The following ATF7IP2 variants were observed in gnomAD, a reference collection of about 807,000 sequenced individuals.
The protein encoded by ATF7IP2 is activating transcription factor 7-interacting protein 2.
In ATF7IP2, 42 loss-of-function variants were observed where a neutral mutation model predicts 64.2. The observed-to-expected ratio is 0.65, with a 90% CI of 0.51 to 0.85. The LOEUF (loss-of-function observed/expected upper bound fraction) is 0.85, where lower values mean the gene tolerates loss of function less well. Ranked by LOEUF, ATF7IP2 falls within the 40% of genes least tolerant of loss-of-function variation. The pLI, the probability that ATF7IP2 is intolerant of heterozygous loss-of-function variation, is 0.00. For synonymous variants in ATF7IP2, 308 were observed against 272.8 expected, an observed-to-expected ratio of 1.13 and a Z score of -1.27; for missense variants, 933 against 784.2, an observed-to-expected ratio of 1.19 and a Z score of -2.27.
intron 1 of ATF7IP2, among the ~76,000 whole-genome samples, chr16:10,407,569 A>G (rs1421099958): frequency 2.0e-5 from 3 of 152,254 alleles, no homozygotes; most frequent in African/African-American, 4.8e-5. Context: ...TACCATTTCT[A>G]TATGCTAACA....
intron 9 of ATF7IP2, among the ~76,000 whole-genome samples, chr16:10,468,005 G>A (rs781621306): frequency 2.7e-5 from 4 of 150,128 alleles, no homozygotes; most frequent in Admixed American, 6.7e-5. Context: ...TCAGCCTCCC[G>A]AGTAGCTGGG....
intron 2 of ATF7IP2, among the ~76,000 whole-genome samples, chr16:10,417,151 A>G (rs1234963818): frequency 6.6e-6 from 1 of 152,214 alleles, no homozygotes; most frequent in Admixed American, 6.5e-5. Context: ...TATACCACAA[A>G]GACGAGGAAA....
intron 1 of ATF7IP2, among the ~76,000 whole-genome samples, chr16:10,393,387 A>C (rs1335759435): frequency 6.6e-6 from 1 of 151,784 alleles, no homozygotes; most frequent in African/African-American, 2.4e-5. Context: ...ATAGAACAAA[A>C]GGCATGAGAC....
chr16:10,399,541 G>C (rs192315289), intron 1 of ATF7IP2, among the ~76,000 whole-genome samples: 43 of 152,252 alleles, frequency 2.8e-4, no homozygotes, highest in African/African-American at 9.9e-4. Flanking sequence ...CAGTTGATCT[G>C]TATGTCTATT....
chr16:10,402,274 C>T (rs367741712), intron 1 of ATF7IP2, among the ~76,000 whole-genome samples: 9 of 151,888 alleles, frequency 5.9e-5, no homozygotes, highest in East Asian at 5.8e-4. Flanking sequence ...TTTAGTATGT[C>T]GTTTTTCTAT....
chr16:10,453,234 T>C (rs1159340081), intron 8 of ATF7IP2, among the ~76,000 whole-genome samples: 2 of 152,160 alleles, frequency 1.3e-5, no homozygotes, highest in Non-Finnish European at 2.9e-5. Flanking sequence ...CCGGAGGGAA[T>C]CTCCTGGTCT....
intron 13 of ATF7IP2, among the ~76,000 whole-genome samples, chr16:10,481,307 T>A (rs1407323280): frequency 6.6e-6 from 1 of 152,160 alleles, no homozygotes; most frequent in Non-Finnish European, 1.5e-5. Flanking sequence ...CTCGGCTCAC[T>A]GCAACCTCCA....
chr16:10,424,318 T>G (rs2048042867), intron 3 of ATF7IP2, among the ~76,000 whole-genome samples: 1 of 152,188 alleles, frequency 6.6e-6, no homozygotes, highest in South Asian at 2.1e-4. Flanking sequence ...ATGGCTAGAT[T>G]TGGGGTCCTG....
At chr16:10,473,349 A>G (rs1455496083) in intron 10 of ATF7IP2, 130 bp from the exon 11 acceptor site, 6 of 597,808 alleles carry the variant, frequency 1.0e-5, no homozygotes, top group African/African-American at 3.9e-5. Context: ...GGTAAAGTCA[A>G]TTGAGTTACT....
intron 8 of ATF7IP2, among the ~76,000 whole-genome samples, chr16:10,455,867 A>T (rs1416253246): frequency 1.3e-5 from 2 of 152,340 alleles, no homozygotes; most frequent in East Asian, 1.9e-4. Flanking sequence ...ACAGGAGGAA[A>T]GGGGATTTGT....
chr16:10,416,161 G>C (rs2141829106), intron 2 of ATF7IP2, among the ~76,000 whole-genome samples: 1 of 152,342 alleles, frequency 6.6e-6, no homozygotes, highest in Admixed American at 6.5e-5. Context: ...CATGTTTGTT[G>C]CAGCACTGTT....
chr16:10,440,666 A>T (rs569852927), intron 8 of ATF7IP2, among the ~76,000 whole-genome samples: 1 of 152,246 alleles, frequency 6.6e-6, no homozygotes, highest in Non-Finnish European at 1.5e-5. Context: ...AAGGGAGTAG[A>T]AAGAGGATTG....
chr16:10,418,738 C>T (rs935837858), intron 2 of ATF7IP2, among the ~76,000 whole-genome samples: 2 of 152,136 alleles, frequency 1.3e-5, no homozygotes, highest in African/African-American at 2.4e-5. Flanking sequence ...CTTCTAGATG[C>T]TTTTTTATTC....
chr16:10,477,612 C>A (rs575648800), intron 12 of ATF7IP2, among the ~76,000 whole-genome samples: 1 of 152,100 alleles, frequency 6.6e-6, no homozygotes, highest in Non-Finnish European at 1.5e-5. Context: ...CCTCTCTCAC[C>A]GCTCCTATTC....
intron 1 of ATF7IP2, among the ~76,000 whole-genome samples, chr16:10,400,020 AT>A (rs1260044375): frequency 6.6e-6 from 1 of 152,110 alleles, no homozygotes; most frequent in Non-Finnish European, 1.5e-5. Flanking sequence ...AATGCTACAC[AT>A]TTTAATTTGT....
chr16:10,442,020 G>C (rs779338657), intron 8 of ATF7IP2, among the ~76,000 whole-genome samples: 3 of 152,206 alleles, frequency 2.0e-5, no homozygotes, highest in African/African-American at 7.2e-5. Flanking sequence ...TCCTGTTTCT[G>C]TGTCCTCCCC....
At chr16:10,429,735 T>A (rs199726167) in intron 4 of ATF7IP2, among the ~76,000 whole-genome samples, 1,567 of 124,912 alleles carry the variant, frequency 0.013, 66 homozygotes, top group East Asian at 0.072. Context: ...ATTTTATTTA[T>A]TTTATTTTAT....
Position 10,431,069 on chromosome 16 carries a change from A to G in ATF7IP2, c.449A>G (p.Asn150Ser). The G allele has an allele frequency of 1.2e-6, 2 of 1,614,178 alleles. No individual in the cohort carries two copies. Among genetic ancestry groups the G allele is most frequent in the Non-Finnish European group, 8.5e-7 (1 of 1,180,042 alleles). ...TSENDSEHQT[N>S]VTRSLFEHEG... The stretch of plus-strand genomic sequence containing the variant: ...GAAAACGATTCTGAGCATCAGACAA[A>G]TGTAACAAGATCCCTTTTTGAGCAT... The change falls in exon 5 of 14, where the codon AAT becomes AGT. Residue 150 changes from asparagine (N) to serine (S), a missense_variant. By Grantham distance (46) the Asn-to-Ser change is conservative (BLOSUM62 1). Coordinates refer to ENST00000562102, the MANE Select transcript of ATF7IP2 (RefSeq NM_001393719.1).
chr16:10,440,542 CAGGCTAGGACAGAAGGTGTAA>C, intron 8 of ATF7IP2, 80 bp downstream of exon 8: 1 of 808,964 alleles, frequency 1.2e-6, no homozygotes. Context: ...AATATATTTC[CAGGCTAGGACAGAAGGTGTAA>C]AGGTAAGTAA....
Sources: gnomAD v4.1 joint callset for allele counts (sites outside exome capture counted in the v4.1 genomes callset) on GRCh38, gnomAD v4.1.1 for gene constraint, MANE v1.5 for transcripts, NCBI Gene and HGNC (gene_info 2026-07-23, HGNC 2026-07-21) for gene names.